Variants in UBR3 observed in about 807,000 individuals in gnomAD.
UBR3 encodes the protein ubiquitin protein ligase E3 component n-recognin 3.
A neutral mutation model predicts 243.2 loss-of-function variants in UBR3; 85 were observed. The observed-to-expected ratio is 0.35, with a 90% confidence interval of 0.29 to 0.42. The LOEUF is 0.42. UBR3 is among the 10% of genes least tolerant of loss of function. UBR3 has a pLI of 1.00. For missense variants in UBR3, 1,686 were observed against 2,300.8 expected, an observed-to-expected ratio of 0.73 and a Z score of 5.47; for synonymous variants, 748 against 799.8, an observed-to-expected ratio of 0.94 and a Z score of 1.09.
chr2:170,071,532 G>A (rs1559235963), intron 35 of UBR3, among the ~76,000 whole-genome samples: 2 of 152,096 alleles, frequency 1.3e-5, no homozygotes, highest in Non-Finnish European at 2.9e-5. Flanking sequence ...GTATTGTGAT[G>A]GTGGGTGCAT....
chr2:169,863,811 T>C (rs1395129179), intron 1 of UBR3, among the ~76,000 whole-genome samples: 1 of 152,206 alleles, frequency 6.6e-6, no homozygotes, highest in African/African-American at 2.4e-5. Flanking sequence ...TTAGGCGTTA[T>C]AAATGGAGTA....
At chr2:169,917,270 T>C (rs920169692) in intron 11 of UBR3, among the ~76,000 whole-genome samples, 4 of 152,194 alleles carry the variant, frequency 2.6e-5, no homozygotes, top group African/African-American at 9.6e-5. Flanking sequence ...GAGAGAACAT[T>C]GTCCAGCCTT....
chr2:169,861,346 A>C (rs2083081422), intron 1 of UBR3, among the ~76,000 whole-genome samples: 1 of 152,152 alleles, frequency 6.6e-6, no homozygotes, highest in South Asian at 2.1e-4. Context: ...GTGGTGGCTC[A>C]CGCCCGTAAT....
chr2:169,856,868 T>C (rs1463541513), intron 1 of UBR3, among the ~76,000 whole-genome samples: 1 of 152,002 alleles, frequency 6.6e-6, no homozygotes, highest in Non-Finnish European at 1.5e-5. Context: ...ATCCATTACT[T>C]TACTACCTGG....
Position 170,056,003 on chromosome 2 carries a change from C to CTTTTTTT in UBR3, c.4785+435_4785+441dup, listed in dbSNP as rs34415442. On this transcript the variant is annotated intron_variant, in intron 33 of 38. Transcript: ENST00000272793. The stretch of plus-strand genomic sequence containing the variant: ...AATTTAAAATCCTAGTCTTTTCTTT[C>CTTTTTTT]TTTTTTTTTTTTTTTTTTTTTTGTG... 4.9e-4 allele frequency among the ~76,000 whole-genome samples: 44 copies of CTTTTTTT among 88,898 alleles called. 1 individual carries two copies. Among genetic ancestry groups the CTTTTTTT allele is most frequent in the Admixed American group, 7.6e-4 (5 of 6,588 alleles). 58.3% of individuals were successfully genotyped at this position (88,898 alleles called of 152,430 possible).
At chr2:169,878,994 C>T (rs975247101) in intron 5 of UBR3, among the ~76,000 whole-genome samples, 1 of 151,452 alleles carries the variant, frequency 6.6e-6, no homozygotes, top group African/African-American at 2.4e-5. Context: ...TTTTTCTAAT[C>T]GTATAATAAA....
At position 169,994,282 on chromosome 2, in the gene UBR3, CTGATTATTTT is replaced by C. The variant is rs780936570; in HGVS notation, c.3785-34_3785-25del. 3.1e-6 allele frequency: 5 copies of C among 1,608,532 alleles called. No homozygotes were observed. In the South Asian group the frequency reaches 5.5e-5, roughly 18 times the overall value. On this transcript the variant is annotated intron_variant, in intron 25 of 38. Coordinates refer to ENST00000272793, the MANE Select transcript of UBR3 (RefSeq NM_172070.4). The stretch of plus-strand genomic sequence containing the variant: ...TTCTTGGAGTTACAGGTCTATGGCA[CTGATTATTTT>C]TGATTAATGAGCTTTTATCTGTTAA...
chr2:170,045,668 A>G (rs1431533178), intron 32 of UBR3, among the ~76,000 whole-genome samples: 1 of 152,212 alleles, frequency 6.6e-6, no homozygotes, highest in Non-Finnish European at 1.5e-5. Flanking sequence ...CTATTTATTT[A>G]CAAGCATACA....
intron 23 of UBR3, among the ~76,000 whole-genome samples, chr2:169,957,677 A>G (rs1424773620): frequency 6.6e-6 from 1 of 152,088 alleles, no homozygotes; most frequent in Non-Finnish European, 1.5e-5. Context: ...AAACCTGTAC[A>G]TTGTGCACAT....
chr2:169,924,012 C>G lies in UBR3; in HGVS notation c.1932+18C>G. 1 of 1,529,148 alleles carries G rather than the reference C, an allele frequency of 6.5e-7. No individual in the cohort carries two copies. Among genetic ancestry groups the G allele is most frequent in the Admixed American group, 2.2e-5 (1 of 45,306 alleles). The allele number at this position is 1,529,148 out of a possible 1,614,324, so 94.7% of individuals were successfully genotyped here. A position where few individuals can be genotyped will look rare whatever the true frequency, so the allele number is the denominator to read the frequency against. On this transcript the variant is annotated intron_variant, in intron 12 of 38. Coordinates refer to ENST00000272793, the MANE Select transcript of UBR3 (RefSeq NM_172070.4). ...TGAGTAAGGTAAGACTGTCATTAAA[C>G]AATTCTGTTCTTTTTTTTTTAATTT...
chr2:169,841,000 G>C (rs2082270031), intron 1 of UBR3, among the ~76,000 whole-genome samples: 1 of 152,146 alleles, frequency 6.6e-6, no homozygotes, highest in South Asian at 2.1e-4. Context: ...CAAGGCCCTA[G>C]CATTCTGGAC....
chr2:169,921,065 A>C (rs563225972), intron 11 of UBR3, among the ~76,000 whole-genome samples: 2 of 152,330 alleles, frequency 1.3e-5, no homozygotes, highest in South Asian at 4.1e-4. Flanking sequence ...AAATAAGTAA[A>C]CATAATTTGA....
At chr2:169,913,974 C>T (rs984524965) in intron 10 of UBR3, 86 bp from the exon 11 acceptor site, 10 of 539,946 alleles carry the variant, frequency 1.9e-5, no homozygotes, top group Non-Finnish European at 8.3e-6. Flanking sequence ...TTTATATATA[C>T]ACAATGCATA....
chr2:170,036,094 A>T (rs963023791), intron 31 of UBR3, among the ~76,000 whole-genome samples: 13 of 152,090 alleles, frequency 8.5e-5, no homozygotes, highest in African/African-American at 2.9e-4. Context: ...TACATAGACG[A>T]CCATGTAATC....
intron 25 of UBR3, among the ~76,000 whole-genome samples, chr2:169,993,097 C>T (rs962558916): frequency 6.6e-6 from 1 of 152,132 alleles, no homozygotes; most frequent in African/African-American, 2.4e-5. Context: ...GTACCATTAT[C>T]ATTCCTAAGA....
At chr2:169,890,542 T>TAG (rs200566939) in intron 5 of UBR3, among the ~76,000 whole-genome samples, 962 of 61,776 alleles carry the variant, frequency 0.016, 18 homozygotes, top group African/African-American at 0.061. Context: ...GAGAGAGAGA[T>TAG]ATATATATAT....
chr2:169,847,356 T>C (rs1245623702), intron 1 of UBR3, among the ~76,000 whole-genome samples: 1 of 152,190 alleles, frequency 6.6e-6, no homozygotes, highest in East Asian at 1.9e-4. Context: ...GCTTATGAAC[T>C]GTAACTCTGT....
rs1434283306 is a variant in UBR3, at chr2:170,083,892, C to T, written c.*2049C>T. On this transcript the variant is annotated 3_prime_UTR_variant, in exon 39 of 39. Coordinates refer to ENST00000272793, the MANE Select transcript of UBR3 (RefSeq NM_172070.4). ...ATTTTTCCCCATAACTTTTATAAGT[C>T]CCATTTATAAACCCACTTTTAAAAA... The T allele has an allele frequency of 2.0e-5, 3 of 152,496 alleles. No homozygotes were observed. The highest frequency in any genetic ancestry group is 4.4e-5 in the Non-Finnish European group (3 of 67,998). 9.4% of individuals were successfully genotyped at this position (152,496 alleles called of 1,614,324 possible).
At chr2:170,080,275 A>T (rs2091885236) in intron 37 of UBR3, 1 of 563,292 alleles carries the variant, frequency 1.8e-6, no homozygotes, top group Admixed American at 3.5e-5. Context: ...TGTACTTTGG[A>T]ATGTGCTGTG....
Sources: gnomAD v4.1 joint callset for allele counts (sites outside exome capture counted in the v4.1 genomes callset) on GRCh38, gnomAD v4.1.1 for gene constraint, MANE v1.5 for transcripts, NCBI Gene and HGNC (gene_info 2026-07-23, HGNC 2026-07-21) for gene names.